Variants in FRMD5 observed in about 807,000 individuals in gnomAD.
The protein encoded by FRMD5 is FERM domain containing 5, also known as FERM domain-containing protein 5.
FRMD5 carries 20 observed loss-of-function variants against 69.0 expected under a neutral mutation model. That is an observed-to-expected ratio of 0.29 (90% CI 0.20 to 0.42). FRMD5 has a LOEUF of 0.42. Ranked by LOEUF, FRMD5 falls within the 10% of genes least tolerant of loss-of-function variation. The probability of loss-of-function intolerance (pLI) is 1.00; values close to 1 mark genes in which losing one functional copy is unlikely to be tolerated. For missense variants in FRMD5, 595 were observed against 708.6 expected, an observed-to-expected ratio of 0.84 and a Z score of 1.82; for synonymous variants, 271 against 260.1, an observed-to-expected ratio of 1.04 and a Z score of -0.40.
At chr15:44,196,566 G>A (rs898058604), upstream of FRMD5, among the ~76,000 whole-genome samples, 5 of 151,740 alleles carry the variant, frequency 3.3e-5, no homozygotes, top group African/African-American at 4.8e-5. Context: ...ACTTTCATTT[G>A]CACTGTTCTT....
intron 1 of FRMD5, among the ~76,000 whole-genome samples, chr15:44,023,294 C>T (rs1891292913): frequency 6.6e-6 from 1 of 152,148 alleles, no homozygotes; most frequent in Non-Finnish European, 1.5e-5. Flanking sequence ...ACAGGAATTG[C>T]TTGCAAATGA....
intron 1 of FRMD5, among the ~76,000 whole-genome samples, chr15:43,953,575 C>G (rs965221133): frequency 6.6e-6 from 1 of 152,204 alleles, no homozygotes; most frequent in African/African-American, 2.4e-5. Context: ...GCTCACTAAG[C>G]CTTGTTGCAG....
intron 1 of FRMD5, among the ~76,000 whole-genome samples, chr15:44,111,241 C>G (rs1317690452): frequency 1.3e-5 from 2 of 152,190 alleles, no homozygotes; most frequent in Non-Finnish European, 2.9e-5. Flanking sequence ...GCAACAGGGA[C>G]AGTGCCAGAT....
chr15:43,926,520 CCTT>C (rs1251305861), intron 1 of FRMD5, among the ~76,000 whole-genome samples: 1 of 152,138 alleles, frequency 6.6e-6, no homozygotes, highest in Non-Finnish European at 1.5e-5. Context: ...ATTTTAAAGA[CCTT>C]CACAAAAGGT....
intron 1 of FRMD5, among the ~76,000 whole-genome samples, chr15:44,074,358 G>A (rs1893668502): frequency 6.6e-6 from 1 of 151,664 alleles, no homozygotes; most frequent in South Asian, 2.1e-4. Context: ...GGTTGGCTTT[G>A]GTCAGTAAAA....
chr15:43,940,494 C>T (rs974732601), intron 1 of FRMD5, among the ~76,000 whole-genome samples: 1 of 152,098 alleles, frequency 6.6e-6, no homozygotes, highest in Non-Finnish European at 1.5e-5. Flanking sequence ...GTACAAGGTA[C>T]AGGGGTAGTT....
intron 1 of FRMD5, among the ~76,000 whole-genome samples, chr15:44,075,812 C>T (rs1353309605): frequency 2.0e-5 from 3 of 152,156 alleles, no homozygotes; most frequent in African/African-American, 7.2e-5. Context: ...TCCCGACAAG[C>T]AGAGGAAAAC....
intron 1 of FRMD5, among the ~76,000 whole-genome samples, chr15:44,055,497 CT>C: frequency 6.6e-6 from 1 of 152,138 alleles, no homozygotes; most frequent in Non-Finnish European, 1.5e-5. Context: ...GTAACTGACA[CT>C]ATACTATCAA....
intron 1 of FRMD5, among the ~76,000 whole-genome samples, chr15:44,044,107 G>A (rs1370182580): frequency 6.6e-6 from 1 of 152,072 alleles, no homozygotes; most frequent in Non-Finnish European, 1.5e-5. Flanking sequence ...AAAAGTGGGT[G>A]AAGGATATGA....
At position 43,940,575 on chromosome 15, in the gene FRMD5, G is replaced by A. The variant is rs541614945; in HGVS notation, c.103-16266C>T. 1.3e-5 allele frequency among the ~76,000 whole-genome samples: 2 copies of A among 152,276 alleles called. 1 individual carries two copies. Among genetic ancestry groups the A allele is most frequent in the East Asian group, 3.9e-4 (2 of 5,176 alleles). On this transcript the variant is annotated intron_variant, in intron 1 of 13. Transcript: ENST00000417257. ...CAAATAACTGCCTTGGTACAAGGAC[G>A]TCGGTTGCAGATCAATATGGAGAGG...
At chr15:44,042,783 T>C (rs1021578543) in intron 1 of FRMD5, among the ~76,000 whole-genome samples, 1 of 152,224 alleles carries the variant, frequency 6.6e-6, no homozygotes, top group Non-Finnish European at 1.5e-5. Flanking sequence ...TATCTCAAAA[T>C]AATAAGTGCT....
At chr15:44,084,615 T>C (rs1052308364) in intron 1 of FRMD5, among the ~76,000 whole-genome samples, 3 of 152,136 alleles carry the variant, frequency 2.0e-5, no homozygotes, top group African/African-American at 4.8e-5. Context: ...ATCCACATGA[T>C]AGACCTTCTA....
intron 1 of FRMD5, among the ~76,000 whole-genome samples, chr15:43,982,337 T>C (rs975142976): frequency 6.6e-6 from 1 of 152,248 alleles, no homozygotes; most frequent in African/African-American, 2.4e-5. Context: ...AAGGTGCTTC[T>C]TGACATCAAG....
chr15:43,961,399 G>T (rs1210507829), intron 1 of FRMD5, among the ~76,000 whole-genome samples: 1 of 152,182 alleles, frequency 6.6e-6, no homozygotes, highest in Non-Finnish European at 1.5e-5. Context: ...AGCTGAAATT[G>T]AGGCAATAAT....
Position 44,034,783 on chromosome 15 carries a change from G to A in FRMD5, c.103-110474C>T, listed in dbSNP as rs528477599. Among the ~76,000 whole-genome samples the A allele has an allele frequency of 7.2e-5, 11 of 152,274 alleles. No individual in the cohort carries two copies. In the South Asian group the frequency reaches 2.3e-3, roughly 32 times the overall value. On this transcript the variant is annotated intron_variant, in intron 1 of 13. Transcript: ENST00000417257. The stretch of plus-strand genomic sequence containing the variant: ...AAACTTGGGAGCTGAGGGGGGAAGA[G>A]AAGAGTTAAGAAGCCCTAGTCAAAC...
chr15:44,034,368 T>C (rs1000191888), intron 1 of FRMD5, among the ~76,000 whole-genome samples: 2 of 152,182 alleles, frequency 1.3e-5, no homozygotes, highest in Admixed American at 6.5e-5. Flanking sequence ...ACTACCTACT[T>C]ATATGGTCTG....
At chr15:43,963,798 T>C (rs933485035) in intron 1 of FRMD5, among the ~76,000 whole-genome samples, 7 of 151,990 alleles carry the variant, frequency 4.6e-5, no homozygotes, top group African/African-American at 1.7e-4. Flanking sequence ...CAGCAAACTA[T>C]TGCAAGGACA....
At chr15:43,893,394 T>C (rs942024082) in intron 7 of FRMD5, among the ~76,000 whole-genome samples, 3 of 152,118 alleles carry the variant, frequency 2.0e-5, no homozygotes, top group Non-Finnish European at 2.9e-5. Flanking sequence ...TTGAACATAG[T>C]GGGGAGCGGG....
At chr15:44,170,309 G>A (rs957944708) in intron 1 of FRMD5, among the ~76,000 whole-genome samples, 20 of 152,122 alleles carry the variant, frequency 1.3e-4, no homozygotes, top group Admixed American at 1.3e-4. Flanking sequence ...GATCACCTGA[G>A]GTCGGCAGTT....
Sources: gnomAD v4.1 joint callset for allele counts (sites outside exome capture counted in the v4.1 genomes callset) on GRCh38, gnomAD v4.1.1 for gene constraint, MANE v1.5 for transcripts, NCBI Gene and HGNC (gene_info 2026-07-23, HGNC 2026-07-21) for gene names.